ST7: variants seen among roughly 807,000 people sequenced by gnomAD.
The protein encoded by ST7 is suppression of tumorigenicity 7, also known as suppressor of tumorigenicity 7 protein.
Under a neutral mutation model 78.7 loss-of-function variants are expected in ST7, and 28 were observed. That is an observed-to-expected ratio of 0.36 (90% CI 0.26 to 0.49). ST7 has a LOEUF of 0.49. ST7 is among the 20% of genes least tolerant of loss of function. The pLI is 0.99. For synonymous variants in ST7, 247 were observed against 249.6 expected (o/e 0.99, Z 0.10); for missense variants, 418 against 696.0 (o/e 0.60, Z 4.49).
intron 1 of ST7, among the ~76,000 whole-genome samples, chr7:117,097,908 A>ATATATATATATATATATATTTTTTTTTT: frequency 3.3e-5 from 1 of 30,008 alleles, no homozygotes; most frequent in Non-Finnish European, 5.4e-5. Context: ...ATATATATAT[A>ATATATATATATATATATATTTTTTTTTT]TTTTTTTTTT....
intron 1 of ST7, chr7:117,073,989 C>A (rs1318542416): frequency 6.6e-6 from 1 of 152,076 alleles, no homozygotes; most frequent in African/African-American, 2.4e-5. Context: ...TGACCTCAAT[C>A]CTTTTGAAAT....
chr7:117,139,294 A>G (rs973898596), intron 9 of ST7, among the ~76,000 whole-genome samples: 3 of 152,212 alleles, frequency 2.0e-5, no homozygotes, highest in Non-Finnish European at 2.9e-5. Flanking sequence ...TTTAAAAACA[A>G]TCTCAGAAAA....
intron 1 of ST7, among the ~76,000 whole-genome samples, chr7:117,056,369 T>C (rs1218083724): frequency 6.6e-6 from 1 of 152,140 alleles, no homozygotes; most frequent in African/African-American, 2.4e-5. Context: ...GCATGGTGGC[T>C]CATGCCTGTA....
intron 1 of ST7, among the ~76,000 whole-genome samples, chr7:116,967,672 T>G (rs959890996): frequency 1.3e-5 from 2 of 152,228 alleles, no homozygotes; most frequent in Non-Finnish European, 2.9e-5. Context: ...TAATGATGAG[T>G]ACCTCATAGG....
intron 12 of ST7, chr7:117,191,524 A>T (rs1205786998): frequency 6.6e-6 from 1 of 151,852 alleles, no homozygotes; most frequent in Non-Finnish European, 1.5e-5. Flanking sequence ...TTTTTTCCTG[A>T]AATTGATTTT....
intron 10 of ST7, among the ~76,000 whole-genome samples, chr7:117,172,548 G>A (rs1762026527): frequency 6.6e-6 from 1 of 152,292 alleles, no homozygotes; most frequent in Admixed American, 6.5e-5. Flanking sequence ...AAGACTGTTT[G>A]GCTTTCATGT....
chr7:117,046,540 A>G (rs1242860824), intron 1 of ST7, among the ~76,000 whole-genome samples: 1 of 152,032 alleles, frequency 6.6e-6, no homozygotes, highest in Non-Finnish European at 1.5e-5. Flanking sequence ...TGCTGCTCCC[A>G]CACAGTACCA....
rs551248046 is a variant in ST7, at chr7:116,980,843, A to G, written c.151+27152A>G. ...CTCATCAAAATAAGAAATTAATTAG[A>G]TTTGTTAATCAGAAATTGGTACAGT... On this transcript the variant is annotated intron_variant, in intron 1 of 15. Coordinates refer to ENST00000323984, the MANE Select transcript of ST7 (RefSeq NM_001369598.1). 5.9e-5 allele frequency among the ~76,000 whole-genome samples: 9 copies of G among 152,332 alleles called. No homozygotes were observed. In the East Asian group the frequency reaches 1.7e-3, roughly 29 times the overall value.
intron 1 of ST7, among the ~76,000 whole-genome samples, chr7:117,016,491 A>G (rs1795621522): frequency 1.3e-5 from 1 of 74,684 alleles, no homozygotes; most frequent in East Asian, 4.1e-4. Context: ...TGCCATTAAA[A>G]CATTTGTTGT....
At chr7:117,162,258 G>A (rs57609520) in intron 9 of ST7, among the ~76,000 whole-genome samples, 18,350 of 151,922 alleles carry the variant, frequency 0.12, 2,023 homozygotes, top group African/African-American at 0.29. Flanking sequence ...CCTAGCATAT[G>A]GCAAGGATTT....
intron 9 of ST7, among the ~76,000 whole-genome samples, chr7:117,164,134 A>G (rs1226585048): frequency 1.3e-5 from 2 of 152,208 alleles, no homozygotes; most frequent in Non-Finnish European, 2.9e-5. Flanking sequence ...TGGTACTGGC[A>G]TCAAAACAGA....
chr7:116,989,971 C>T (rs570694210), intron 1 of ST7, among the ~76,000 whole-genome samples: 9 of 152,234 alleles, frequency 5.9e-5, no homozygotes, highest in Admixed American at 6.5e-5. Flanking sequence ...GACAGAGTCT[C>T]GCTCTGTTGC....
At chr7:116,974,277 TTTTTC>T (rs1044695622) in intron 1 of ST7, among the ~76,000 whole-genome samples, 2 of 152,036 alleles carry the variant, frequency 1.3e-5, no homozygotes, top group African/African-American at 2.4e-5. Context: ...TAGTATATGC[TTTTTC>T]TTTTCTTTTC....
intron 9 of ST7, among the ~76,000 whole-genome samples, chr7:117,151,555 A>C (rs1806247986): frequency 6.6e-6 from 1 of 152,062 alleles, no homozygotes; most frequent in Non-Finnish European, 1.5e-5. Flanking sequence ...TTTTTTTCTT[A>C]TCTATTTTTC....
intron 12 of ST7, among the ~76,000 whole-genome samples, chr7:117,192,723 G>A (rs549195018): frequency 2.0e-5 from 3 of 152,190 alleles, no homozygotes; most frequent in Admixed American, 2.0e-4. Flanking sequence ...TAGATATTTT[G>A]ATTGAAGTAG....
intron 5 of ST7, 181 bp downstream of exon 5, chr7:117,130,787 T>C: frequency 4.2e-6 from 2 of 471,690 alleles, no homozygotes; most frequent in Non-Finnish European, 7.4e-6. Context: ...GAAGTATTTA[T>C]GTTGAAATGA....
chr7:116,972,733 T>G, intron 1 of ST7: 1 of 922,168 alleles, frequency 1.1e-6, no homozygotes, highest in South Asian at 1.3e-5. Flanking sequence ...CAGCTTCTCA[T>G]GAACCAGCTG....
At chr7:117,143,535 C>A (rs770997254) in intron 9 of ST7, among the ~76,000 whole-genome samples, 135 of 152,250 alleles carry the variant, frequency 8.9e-4, no homozygotes, top group Non-Finnish European at 1.5e-3. Flanking sequence ...CAATGACAAA[C>A]GTTTCTGTAG....
At chr7:117,020,064 T>C (rs1019094173) in intron 1 of ST7, 1 of 152,496 alleles carries the variant, frequency 6.6e-6, no homozygotes, top group African/African-American at 2.4e-5. Context: ...GGGGAGTGTA[T>C]ACGTGGCTCT....
Sources: gnomAD v4.1 joint callset for allele counts (sites outside exome capture counted in the v4.1 genomes callset) on GRCh38, gnomAD v4.1.1 for gene constraint, MANE v1.5 for transcripts, NCBI Gene and HGNC (gene_info 2026-07-23, HGNC 2026-07-21) for gene names.